The following GPHN variants were observed in gnomAD, a reference collection of about 807,000 sequenced individuals.
The protein encoded by GPHN is gephyrin.
GPHN carries 17 observed loss-of-function variants against 95.5 expected under a neutral mutation model. The observed-to-expected ratio is 0.18, with a 90% CI of 0.12 to 0.27. The LOEUF is 0.27. Ranked by LOEUF, GPHN falls within the 10% of genes least tolerant of loss-of-function variation. The probability of loss-of-function intolerance (pLI) is 1.00; values close to 1 mark genes in which losing one functional copy is unlikely to be tolerated. For synonymous variants in GPHN, 320 were observed against 322.5 expected, an observed-to-expected ratio of 0.99 and a Z score of 0.08; for missense variants, 660 against 978.1, an observed-to-expected ratio of 0.67 and a Z score of 4.34.
At chr14:66,940,669 A>C (rs77237455) in intron 8 of GPHN, among the ~76,000 whole-genome samples, 1,832 of 152,320 alleles carry the variant, frequency 0.012, 19 homozygotes, top group Non-Finnish European at 0.018. Flanking sequence ...GGAATCAGTC[A>C]TGCTCACCTG....
intron 5 of GPHN, among the ~76,000 whole-genome samples, chr14:66,896,791 A>G (rs1320675436): frequency 6.6e-6 from 1 of 152,048 alleles, no homozygotes; most frequent in Non-Finnish European, 1.5e-5. Flanking sequence ...AGAAAGGGAG[A>G]AAAAAACAAA....
intron 21 of GPHN, 98 bp downstream of exon 21, chr14:67,169,134 T>C (rs748588289): frequency 4.9e-5 from 39 of 790,292 alleles, no homozygotes; most frequent in Non-Finnish European, 1.3e-5. Flanking sequence ...GAGTTTTCTA[T>C]TAGTTTTGAT....
chr14:67,695,782 C>A, the GPHN span: 1 of 1,380,844 alleles, frequency 7.2e-7, no homozygotes, highest in South Asian at 1.2e-5. Context: ...TAGACACGCC[C>A]CAATTCAAAT....
chr14:66,597,130 C>A (rs1850156431), intron 1 of GPHN, among the ~76,000 whole-genome samples: 1 of 152,082 alleles, frequency 6.6e-6, no homozygotes, highest in Non-Finnish European at 1.5e-5. Context: ...TAAAAGGGAG[C>A]CATCAGCCAA....
chr14:67,582,824 C>T, the GPHN span, among the ~76,000 whole-genome samples: 4 of 152,066 alleles, frequency 2.6e-5, no homozygotes, highest in East Asian at 7.7e-4. The surrounding 1 kb of genome is among the most constrained non-coding windows in gnomAD (Gnocchi z 5.0). Flanking sequence ...GCGACAACAG[C>T]AAAACTCTGT....
chr14:66,523,822 A>C (rs372770863), intron 1 of GPHN, among the ~76,000 whole-genome samples: 29 of 152,192 alleles, frequency 1.9e-4, no homozygotes, highest in African/African-American at 6.5e-4. Context: ...AACCTGTACA[A>C]CTTTTGGGTA....
the GPHN span, chr14:67,364,495 G>A: frequency 1.0e-4 from 35 of 337,516 alleles, no homozygotes; most frequent in Admixed American, 1.5e-3. Context: ...GTACTTTATA[G>A]ATGGTCATTA....
intron 18 of GPHN, among the ~76,000 whole-genome samples, chr14:67,153,358 C>T (rs1189185523): frequency 6.6e-6 from 1 of 152,160 alleles, no homozygotes; most frequent in Non-Finnish European, 1.5e-5. Context: ...AATCCAAGAT[C>T]CAGGTGACAG....
chr14:67,605,912 G>A, the GPHN span, among the ~76,000 whole-genome samples: 2 of 151,880 alleles, frequency 1.3e-5, no homozygotes, highest in African/African-American at 4.8e-5. Flanking sequence ...CAAGCAACCT[G>A]CCAGTCTCAA....
the GPHN span, among the ~76,000 whole-genome samples, chr14:67,661,635 T>C: frequency 6.0e-5 from 9 of 149,336 alleles, no homozygotes; most frequent in South Asian, 1.9e-3. Flanking sequence ...CAGGCTGAAG[T>C]GATCTCCCAC....
chr14:66,716,550 G>A (rs1021341685), intron 2 of GPHN, among the ~76,000 whole-genome samples: 12 of 152,102 alleles, frequency 7.9e-5, no homozygotes, highest in African/African-American at 2.9e-4. Flanking sequence ...TTTGTTGCCT[G>A]TGTACCTTGG....
At chr14:67,206,733 T>G in the GPHN span, among the ~76,000 whole-genome samples, 2 of 151,816 alleles carry the variant, frequency 1.3e-5, no homozygotes, top group Non-Finnish European at 2.9e-5. Context: ...AATTTATTAT[T>G]ATTATTATTA....
At chr14:67,531,643 G>A in the GPHN span, among the ~76,000 whole-genome samples, 3 of 151,236 alleles carry the variant, frequency 2.0e-5, no homozygotes, top group Non-Finnish European at 2.9e-5. Context: ...GCCGAGGTGC[G>A]GTGGCTCATC....
the GPHN span, among the ~76,000 whole-genome samples, chr14:67,373,026 T>C: frequency 1.3e-5 from 2 of 152,304 alleles, no homozygotes; most frequent in South Asian, 2.1e-4. Context: ...AATCAATAGA[T>C]TGACTTTTTA....
chr14:67,497,417 G>A, the GPHN span, among the ~76,000 whole-genome samples: 1 of 151,976 alleles, frequency 6.6e-6, no homozygotes, highest in Non-Finnish European at 1.5e-5. Flanking sequence ...TTCCAGTGCC[G>A]GGATGAGGAA....
chr14:66,590,056 C>G (rs2061577940), intron 1 of GPHN, among the ~76,000 whole-genome samples: 1 of 152,182 alleles, frequency 6.6e-6, no homozygotes. Context: ...GGAAACTGAG[C>G]AACCTGCTCC....
chr14:67,700,867 A>T, the GPHN span, among the ~76,000 whole-genome samples: 1 of 151,728 alleles, frequency 6.6e-6, no homozygotes. Flanking sequence ...TCTACTAAAA[A>T]TACAAAAATT....
intron 1 of GPHN, among the ~76,000 whole-genome samples, chr14:66,651,915 T>C (rs1338190263): frequency 6.6e-6 from 1 of 152,018 alleles, no homozygotes; most frequent in African/African-American, 2.4e-5. Flanking sequence ...TGTATAATTA[T>C]TTCATAATAT....
intron 9 of GPHN, among the ~76,000 whole-genome samples, chr14:66,990,853 A>G (rs545429930): frequency 6.6e-6 from 1 of 151,748 alleles, no homozygotes; most frequent in Non-Finnish European, 1.5e-5. Context: ...TAATTTGCTA[A>G]TAAATAAAAA....
Sources: gnomAD v4.1 joint callset for allele counts (sites outside exome capture counted in the v4.1 genomes callset) on GRCh38, gnomAD v4.1.1 for gene constraint, Gnocchi (gnomAD v3.1) non-coding constraint, MANE v1.5 for transcripts, NCBI Gene and HGNC (gene_info 2026-07-23, HGNC 2026-07-21) for gene names.